Variants in NTM observed in about 807,000 individuals in gnomAD.
NTM encodes the protein IgLON family member 2.
A neutral mutation model predicts 42.1 loss-of-function variants in NTM; 13 were observed. That is an observed-to-expected ratio of 0.31 (90% CI 0.20 to 0.49). The LOEUF (loss-of-function observed/expected upper bound fraction) is 0.49. NTM is among the 20% of genes least tolerant of loss of function. The pLI, the probability that NTM is intolerant of heterozygous loss-of-function variation, is 0.99. For missense variants in NTM, 373 were observed against 452.8 expected (o/e 0.82, Z 1.60); for synonymous variants, 187 against 179.2 (o/e 1.04, Z -0.35).
At chr11:131,456,417 C>T (rs1950897059) in intron 1 of NTM, among the ~76,000 whole-genome samples, 1 of 152,020 alleles carries the variant, frequency 6.6e-6, no homozygotes, top group Non-Finnish European at 1.5e-5. Context: ...ACATTCACAC[C>T]TTCTCTGCTT....
At chr11:131,740,125 G>T (rs560475314) in intron 1 of NTM, among the ~76,000 whole-genome samples, 1 of 152,116 alleles carries the variant, frequency 6.6e-6, no homozygotes, top group Non-Finnish European at 1.5e-5. Flanking sequence ...TGCCTCACTC[G>T]CAGGGCTGAT....
At chr11:131,432,408 ATCT>A (rs1948726498) in intron 1 of NTM, among the ~76,000 whole-genome samples, 1 of 152,168 alleles carries the variant, frequency 6.6e-6, no homozygotes, top group Non-Finnish European at 1.5e-5. Context: ...CTGACAGAGG[ATCT>A]TCTTTACATT....
At chr11:132,294,267 T>C (rs1279197520) in intron 4 of NTM, among the ~76,000 whole-genome samples, 1 of 152,122 alleles carries the variant, frequency 6.6e-6, no homozygotes, top group Non-Finnish European at 1.5e-5. Context: ...TTGTGCTCTC[T>C]GGCTCTCTCA....
intron 1 of NTM, among the ~76,000 whole-genome samples, chr11:131,514,628 G>A (rs529022577): frequency 5.3e-5 from 8 of 152,206 alleles, no homozygotes; most frequent in Admixed American, 3.3e-4. Flanking sequence ...CTCCCAGGCT[G>A]GAGTGCAGTG....
chr11:131,837,437 GAA>G (rs1206768296), intron 1 of NTM, among the ~76,000 whole-genome samples: 1 of 152,158 alleles, frequency 6.6e-6, no homozygotes, highest in Non-Finnish European at 1.5e-5. Flanking sequence ...TGTAATCTAA[GAA>G]AGTAGCCTAG....
intron 2 of NTM, among the ~76,000 whole-genome samples, chr11:131,973,115 C>G (rs1183439869): frequency 6.6e-6 from 1 of 152,172 alleles, no homozygotes; most frequent in Admixed American, 6.5e-5. Flanking sequence ...GAGTGTTCTC[C>G]CAATCAGGGC....
intron 2 of NTM, among the ~76,000 whole-genome samples, chr11:132,057,437 AT>A (rs1254696695): frequency 1.3e-5 from 2 of 152,214 alleles, no homozygotes; most frequent in Non-Finnish European, 2.9e-5. Flanking sequence ...ATTTTCAAGA[AT>A]TGTAGTAATG....
chr11:132,152,555 C>T (rs1458673728), intron 3 of NTM, among the ~76,000 whole-genome samples: 1 of 152,192 alleles, frequency 6.6e-6, no homozygotes, highest in Non-Finnish European at 1.5e-5. Context: ...TTAAATTCCA[C>T]TATAAAATTG....
Position 131,731,770 on chromosome 11 carries a change from G to A in NTM, c.83-179794G>A, listed in dbSNP as rs537160867. On this transcript the variant is annotated intron_variant, in intron 1 of 8. Transcript: ENST00000683400. Reference sequence around the variant, plus strand: ...TCCACGGCTCAGTTCACCAAAATCCGTTTACAGGAGAAAGGGCCTCCTCAG... The same window carrying A: ...TCCACGGCTCAGTTCACCAAAATCCATTTACAGGAGAAAGGGCCTCCTCAG... Among the ~76,000 whole-genome samples, 9 of 152,270 alleles carry A rather than the reference G, an allele frequency of 5.9e-5. No homozygotes were observed. In the East Asian group the frequency reaches 1.2e-3, roughly 20 times the overall value.
chr11:132,122,140 T>C (rs998411715), intron 2 of NTM, among the ~76,000 whole-genome samples: 1 of 152,226 alleles, frequency 6.6e-6, no homozygotes, highest in East Asian at 1.9e-4. Flanking sequence ...CTAGGAGCCG[T>C]GCACTCGGTG....
chr11:131,514,400 C>T (rs2048633024), intron 1 of NTM, among the ~76,000 whole-genome samples: 1 of 152,126 alleles, frequency 6.6e-6, no homozygotes, highest in South Asian at 2.1e-4. Context: ...GCCTTATTGG[C>T]AGTCTTTAGA....
At chr11:131,640,034 G>T (rs1294099383) in intron 1 of NTM, among the ~76,000 whole-genome samples, 1 of 152,038 alleles carries the variant, frequency 6.6e-6, no homozygotes, top group Non-Finnish European at 1.5e-5. Flanking sequence ...TTCTCTTCTG[G>T]TTCTATTGAG....
intron 2 of NTM, among the ~76,000 whole-genome samples, chr11:131,955,072 C>T (rs908746398): frequency 6.6e-6 from 1 of 152,060 alleles, no homozygotes; most frequent in Non-Finnish European, 1.5e-5. Context: ...TATATTCTTC[C>T]AGTGGTATTG....
At chr11:131,848,944 T>C (rs537794590) in intron 1 of NTM, among the ~76,000 whole-genome samples, 1 of 152,340 alleles carries the variant, frequency 6.6e-6, no homozygotes, top group Non-Finnish European at 1.5e-5. Flanking sequence ...TCGTAAATAA[T>C]TCTTTGCCAA....
At chr11:132,131,931 G>T (rs985109288) in intron 2 of NTM, among the ~76,000 whole-genome samples, 1 of 152,124 alleles carries the variant, frequency 6.6e-6, no homozygotes, top group Admixed American at 6.6e-5. Flanking sequence ...GAGAATGCAT[G>T]CAGGGAAATA....
chr11:131,788,733 AT>A (rs1279180031), intron 1 of NTM, among the ~76,000 whole-genome samples: 2 of 152,032 alleles, frequency 1.3e-5, no homozygotes, highest in African/African-American at 4.8e-5. Context: ...AATCTTTGGT[AT>A]TTTTTAGGGT....
chr11:131,467,637 G>T (rs936713059), intron 1 of NTM, among the ~76,000 whole-genome samples: 3 of 152,146 alleles, frequency 2.0e-5, no homozygotes, highest in African/African-American at 4.8e-5. Context: ...CAAACTGCAG[G>T]CTGCAATCCA....
intron 2 of NTM, among the ~76,000 whole-genome samples, chr11:132,021,043 A>C (rs1363865398): frequency 1.3e-5 from 2 of 151,870 alleles, no homozygotes; most frequent in Non-Finnish European, 2.9e-5. Flanking sequence ...TGGCACTCTG[A>C]GGCTTTGTTT....
chr11:131,600,764 A>C (rs533492706), intron 1 of NTM, among the ~76,000 whole-genome samples: 2 of 152,164 alleles, frequency 1.3e-5, no homozygotes, highest in Non-Finnish European at 2.9e-5. Context: ...TCCAGACACA[A>C]CAAGAAGCAA....
Sources: allele counts gnomAD v4.1 joint callset (sites outside exome capture counted in the v4.1 genomes callset), GRCh38; gene constraint gnomAD v4.1.1; transcripts MANE v1.5; gene names NCBI Gene and HGNC (gene_info 2026-07-23, HGNC 2026-07-21).